LAMTOR3: variants seen among roughly 807,000 people sequenced by gnomAD.
LAMTOR3 encodes ragulator complex protein LAMTOR3.
Under a neutral mutation model 20.3 loss-of-function variants are expected in LAMTOR3, and 14 were observed. That is an observed-to-expected ratio of 0.69 (90% CI 0.46 to 1.08). The LOEUF (loss-of-function observed/expected upper bound fraction) is 1.08. Among genes scored for constraint, LAMTOR3 ranks in the 50% least tolerant of loss-of-function variants. The pLI is 0.00. For missense variants in LAMTOR3, 125 were observed against 143.7 expected (o/e 0.87, Z 0.67); for synonymous variants, 40 against 49.4 (o/e 0.81, Z 0.80).
At position 99,884,027 on chromosome 4, in the gene LAMTOR3, A is replaced by G. The variant is rs753332888; in HGVS notation, c.301+35T>C. 2.2e-6 allele frequency: 3 copies of G among 1,387,870 alleles called. No homozygotes were observed. The East Asian group carries it at 6.9e-5, about 32-fold the overall frequency. The allele number at this position is 1,387,870 out of a possible 1,614,324, so 86.0% of individuals were successfully genotyped here. A position where few individuals can be genotyped will look rare whatever the true frequency, so the allele number is the denominator to read the frequency against. ...TAATTAAATTAATTTTTTAAAATTA[A>G]GGATTAAAGTGATATTTAAGGTCAT... On this transcript the variant is annotated intron_variant, in intron 6 of 6. Transcript: ENST00000499666.
rs559079380 is a variant in LAMTOR3 at position 99,878,953 on chromosome 4, T to C, written c.*3041A>G. 6 of 152,330 alleles carry C rather than the reference T, an allele frequency of 3.9e-5. No individual in the cohort carries two copies. Among genetic ancestry groups the C allele is most frequent in the African/African-American group, 1.4e-4 (6 of 41,578 alleles). The allele number at this position is 152,330 out of a possible 1,614,324, so 9.4% of individuals were successfully genotyped here. ...AAGAATATACTTGTAAATACATACT[T>C]TTGCACATCTATGTGCTTTGTTTGG... is the stretch of plus-strand genomic sequence containing the variant. On this transcript the variant is annotated 3_prime_UTR_variant, in exon 7 of 7. Transcript: ENST00000499666.
upstream of LAMTOR3, chr4:99,894,489 C>T (rs999523769): frequency 6.6e-6 from 1 of 152,014 alleles, no homozygotes; most frequent in African/African-American, 2.4e-5. Context: ...TACGGGATTT[C>T]CGGAGGGGCC....
At chr4:99,891,352 C>T (rs1238810014) in intron 3 of LAMTOR3, among the ~76,000 whole-genome samples, 2 of 152,160 alleles carry the variant, frequency 1.3e-5, no homozygotes, top group African/African-American at 4.8e-5. Context: ...TGCAGAAGAG[C>T]ACAGGTCAAA....
At chr4:99,892,148 T>C (rs1340349559) in intron 2 of LAMTOR3, 114 bp from the exon 3 acceptor site, 2 of 1,415,858 alleles carry the variant, frequency 1.4e-6, no homozygotes. Flanking sequence ...CCTTTCTTGC[T>C]GTGTTTTATC....
chr4:99,881,912 GTAT>G lies in LAMTOR3; in HGVS notation c.*79_*81del, dbSNP rs1229318391. The G allele has an allele frequency of 4.2e-6, 4 of 959,586 alleles. No homozygotes were observed. Among genetic ancestry groups the G allele is most frequent in the Non-Finnish European group, 6.6e-6 (4 of 607,972 alleles). The allele number at this position is 959,586 out of a possible 1,614,324, so 59.4% of individuals were successfully genotyped here. On this transcript the variant is annotated 3_prime_UTR_variant, in exon 7 of 7. Coordinates refer to ENST00000499666, the MANE Select transcript of LAMTOR3 (RefSeq NM_021970.4). ...CCCTTTCTTGAGCACATGGATAAAAGTATTATTGTAGTCTAAAGATTGCTGGAT... is the reference window on the plus strand; with the variant it reads ...CCCTTTCTTGAGCACATGGATAAAAGTATTGTAGTCTAAAGATTGCTGGAT...
Position 99,879,054 on chromosome 4 carries a change from A to G in LAMTOR3, c.*2940T>C, listed in dbSNP as rs1724768749. The G allele has an allele frequency of 6.6e-6, 1 of 152,208 alleles. No homozygotes were observed. The highest frequency in any genetic ancestry group is 1.5e-5 in the Non-Finnish European group (1 of 68,028). 9.4% of individuals were successfully genotyped at this position (152,208 alleles called of 1,614,324 possible). ...AATTTAAAAGTTTCACAGACTGCCA[A>G]TTGCTGTACATAAAGAGTATAACAA... On this transcript the variant is annotated 3_prime_UTR_variant, in exon 7 of 7. Coordinates refer to ENST00000499666, the MANE Select transcript of LAMTOR3 (RefSeq NM_021970.4).
intron 6 of LAMTOR3, among the ~76,000 whole-genome samples, chr4:99,883,604 A>G (rs1724866351): frequency 1.3e-5 from 2 of 152,004 alleles, no homozygotes; most frequent in South Asian, 4.1e-4. Context: ...TAAATTCTCA[A>G]TCACATTCAT....
At position 99,883,442 on chromosome 4, in the gene LAMTOR3, T is replaced by C. The variant is rs563887660; in HGVS notation, c.301+620A>G. Among the ~76,000 whole-genome samples the C allele has an allele frequency of 3.3e-5, 5 of 152,146 alleles. 1 individual carries two copies. The South Asian group carries it at 1.0e-3, about 32-fold the overall frequency. On this transcript the variant is annotated intron_variant, in intron 6 of 6. Coordinates refer to ENST00000499666, the MANE Select transcript of LAMTOR3 (RefSeq NM_021970.4). ...AGTAAAAAAATTACAACCAAGTGAATAGTCATTATTTTACACATAAATATC... is the reference window on the plus strand; with the variant it reads ...AGTAAAAAAATTACAACCAAGTGAACAGTCATTATTTTACACATAAATATC...
chr4:99,884,750 A>G (rs576017017), intron 5 of LAMTOR3, among the ~76,000 whole-genome samples: 1 of 152,316 alleles, frequency 6.6e-6, no homozygotes, highest in East Asian at 1.9e-4. Context: ...GGATCACTTG[A>G]GGCCAAGAGT....
intron 3 of LAMTOR3, among the ~76,000 whole-genome samples, chr4:99,888,252 T>C (rs1406932705): frequency 6.6e-6 from 1 of 152,218 alleles, no homozygotes; most frequent in Admixed American, 6.5e-5. Context: ...CTTACTTAGA[T>C]ACTGTGAAAT....
chr4:99,882,363 CA>C (rs1403990343), intron 6 of LAMTOR3, among the ~76,000 whole-genome samples: 2 of 152,042 alleles, frequency 1.3e-5, no homozygotes, highest in African/African-American at 2.4e-5. Flanking sequence ...TATTAGTGCT[CA>C]GAAAGTTTCA....
rs1355507760 is a variant in LAMTOR3, at chr4:99,882,020, G to A, written c.349C>T (p.Leu117=). ...EKELAPLFEE[L]RQVVEVS ...TAAGAAACTTCCACAACTTGTCTCA[G>A]TTCTTCAAACAATGGAGCAAGTTCC... is the stretch of plus-strand genomic sequence containing the variant. Residue 117 remains leucine (L), a synonymous_variant, in exon 7 of 7, where the codon CTG becomes TTG. Transcript: ENST00000499666. 1 of 1,602,236 alleles carries A rather than the reference G, an allele frequency of 6.2e-7. No individual in the cohort carries two copies. The highest frequency in any genetic ancestry group is 8.5e-7 in the Non-Finnish European group (1 of 1,175,564).
chr4:99,893,296 A>G (rs894938672), intron 2 of LAMTOR3, among the ~76,000 whole-genome samples: 1 of 152,136 alleles, frequency 6.6e-6, no homozygotes, highest in Non-Finnish European at 1.5e-5. Context: ...TTACAGACTA[A>G]GCAACCGCAT....
chr4:99,881,317 T>A lies in LAMTOR3; in HGVS notation c.*677A>T, dbSNP rs930309079. 1 of 152,186 alleles carries A rather than the reference T, an allele frequency of 6.6e-6. No individual in the cohort carries two copies. The highest frequency in any genetic ancestry group is 2.4e-5 in the African/African-American group (1 of 41,432). 9.4% of individuals were successfully genotyped at this position (152,186 alleles called of 1,614,324 possible). On this transcript the variant is annotated 3_prime_UTR_variant, in exon 7 of 7. Coordinates refer to ENST00000499666, the MANE Select transcript of LAMTOR3 (RefSeq NM_021970.4). ...ACAGAATAACGAATTGTATTTAAATTTTATGAAGAACACACAAACATTAAA... is the reference window on the plus strand; with the variant it reads ...ACAGAATAACGAATTGTATTTAAATATTATGAAGAACACACAAACATTAAA...
intron 5 of LAMTOR3, 62 bp from the exon 6 acceptor site, chr4:99,884,187 G>T: frequency 8.0e-7 from 1 of 1,255,976 alleles, no homozygotes; most frequent in South Asian, 1.2e-5. Flanking sequence ...TAACTAAACT[G>T]AAATGTCTTA....
intron 3 of LAMTOR3, 29 bp from the exon 4 acceptor site, chr4:99,887,383 A>G (rs773865093): frequency 2.8e-6 from 3 of 1,089,972 alleles, no homozygotes; most frequent in Non-Finnish European, 3.7e-6. Flanking sequence ...TAAAATATAA[A>G]AAAAGTTAAA....
chr4:99,882,013 T>C lies in LAMTOR3; in HGVS notation c.356A>G (p.Gln119Arg). 6.2e-7 allele frequency: 1 copy of C among 1,603,988 alleles called. No individual in the cohort carries two copies. ...GTCAGATTAAGAAACTTCCACAACT[T>C]GTCTCAGTTCTTCAAACAATGGAGC... ...ELAPLFEELR[Q>R]VVEVS Residue 119 changes from glutamine to arginine, a missense_variant, in exon 7 of 7, where the codon CAA becomes CGA. Coordinates refer to ENST00000499666, the MANE Select transcript of LAMTOR3 (RefSeq NM_021970.4).
chr4:99,894,238 A>G (rs1275624412), intron 1 of LAMTOR3, 97 bp downstream of exon 1: 1 of 368,746 alleles, frequency 2.7e-6, no homozygotes. Flanking sequence ...GCTAGGCCCA[A>G]AGAAAAGAAG....
intron 2 of LAMTOR3, among the ~76,000 whole-genome samples, chr4:99,893,299 A>C (rs1725058861): frequency 1.3e-5 from 2 of 152,138 alleles, no homozygotes; most frequent in East Asian, 3.9e-4. Flanking sequence ...CAGACTAAGC[A>C]ACCGCATTGG....
Sources: gnomAD v4.1 joint callset for allele counts (sites outside exome capture counted in the v4.1 genomes callset) on GRCh38, gnomAD v4.1.1 for gene constraint, MANE v1.5 for transcripts, NCBI Gene and HGNC (gene_info 2026-07-23, HGNC 2026-07-21) for gene names.